Variants in ZNF385D observed in about 807,000 individuals in gnomAD.
ZNF385D encodes the protein zinc finger protein 659.
ZNF385D carries 15 observed loss-of-function variants against 35.8 expected under a neutral mutation model. The ratio of observed to expected loss-of-function variants is 0.42; its 90% confidence interval spans 0.28 to 0.64. ZNF385D has a LOEUF of 0.64. Among genes scored for constraint, ZNF385D ranks in the 30% least tolerant of loss-of-function variants. The pLI is 0.23. For missense variants in ZNF385D, 474 were observed against 494.6 expected (o/e 0.96, Z 0.39); for synonymous variants, 212 against 186.8 (o/e 1.13, Z -1.10).
intron 2 of ZNF385D, among the ~76,000 whole-genome samples, chr3:22,209,325 T>G (rs1317758434): frequency 6.6e-6 from 1 of 151,408 alleles, no homozygotes; most frequent in African/African-American, 2.4e-5. Context: ...TAAAATAAAC[T>G]TAATAGTGGA....
chr3:22,280,969 C>T (rs573671001), intron 2 of ZNF385D, among the ~76,000 whole-genome samples: 4 of 151,934 alleles, frequency 2.6e-5, no homozygotes, highest in South Asian at 2.1e-4. Flanking sequence ...TATATTCCTA[C>T]ATTTTTGTTT....
At chr3:22,146,142 G>A (rs1198224781) in intron 3 of ZNF385D, among the ~76,000 whole-genome samples, 1 of 151,998 alleles carries the variant, frequency 6.6e-6, no homozygotes, top group African/African-American at 2.4e-5. Flanking sequence ...TTCGAAGAAA[G>A]GATTAATTAG....
chr3:22,262,338 A>T (rs1473612498), intron 2 of ZNF385D, among the ~76,000 whole-genome samples: 1 of 152,018 alleles, frequency 6.6e-6, no homozygotes, highest in Non-Finnish European at 1.5e-5. Flanking sequence ...ACACACATGG[A>T]AGAATGGGTA....
intron 3 of ZNF385D, among the ~76,000 whole-genome samples, chr3:21,533,802 T>C (rs1412310377): frequency 6.6e-6 from 1 of 152,098 alleles, no homozygotes; most frequent in Non-Finnish European, 1.5e-5. Context: ...ATCCCTACTG[T>C]AAGGCAGAGT....
intron 3 of ZNF385D, among the ~76,000 whole-genome samples, chr3:21,529,318 C>G (rs1173096753): frequency 1.3e-5 from 2 of 152,012 alleles, no homozygotes; most frequent in African/African-American, 2.4e-5. Context: ...ATAAAAAGAC[C>G]CTGTGACTTC....
At chr3:22,224,890 T>C (rs1233880339) in intron 2 of ZNF385D, among the ~76,000 whole-genome samples, 3 of 152,172 alleles carry the variant, frequency 2.0e-5, no homozygotes, top group Non-Finnish European at 4.4e-5. Flanking sequence ...CTATAATCTT[T>C]GTCCATCAGC....
intron 4 of ZNF385D, among the ~76,000 whole-genome samples, chr3:21,444,391 T>TG (rs1185556810): frequency 4.3e-5 from 3 of 70,164 alleles, no homozygotes; most frequent in East Asian, 9.9e-4. Context: ...TTTTTTGTTT[T>TG]TTTTTTTTTT....
rs1700573246 is a variant in ZNF385D at position 21,417,099 on chromosome 3, A to G, written c.*4115T>C. ...CTGGTTGAGCATATGAATGACCTAC[A>G]ATATGGCTTACACTCAGGATGGAAA... On this transcript the variant is annotated 3_prime_UTR_variant, in exon 8 of 8. Transcript: ENST00000281523. 6.6e-6 allele frequency: 1 copy of G among 152,126 alleles called. No homozygotes were observed. The highest frequency in any genetic ancestry group is 2.4e-5 in the African/African-American group (1 of 41,420). The allele number at this position is 152,126 out of a possible 1,614,324, so 9.4% of individuals were successfully genotyped here.
At chr3:21,881,838 T>C (rs930236479) in intron 3 of ZNF385D, among the ~76,000 whole-genome samples, 2 of 152,006 alleles carry the variant, frequency 1.3e-5, no homozygotes, top group African/African-American at 2.4e-5. Flanking sequence ...AAAAAGTTGA[T>C]TCCAACCCTC....
chr3:21,754,159 C>T (rs1433604263), upstream of ZNF385D, among the ~76,000 whole-genome samples: 1 of 152,140 alleles, frequency 6.6e-6, no homozygotes, highest in African/African-American at 2.4e-5. Context: ...ATTTCTTCAA[C>T]ATATTATTTT....
At chr3:21,815,724 G>T (rs1027381136) in intron 3 of ZNF385D, among the ~76,000 whole-genome samples, 3 of 152,158 alleles carry the variant, frequency 2.0e-5, no homozygotes, top group Non-Finnish European at 4.4e-5. Context: ...GGACCAGACG[G>T]ATTCACAGCT....
chr3:21,415,453 C>T lies in ZNF385D; in HGVS notation c.*5761G>A, dbSNP rs1261554739. 6.6e-6 allele frequency: 1 copy of T among 152,016 alleles called. No homozygotes were observed. The highest frequency in any genetic ancestry group is 1.5e-5 in the Non-Finnish European group (1 of 67,976). The allele number at this position is 152,016 out of a possible 1,614,324, so 9.4% of individuals were successfully genotyped here. Reference sequence around the variant, plus strand: ...CAATGCCCTAAAATGATTAATGCCCCAAAATGATTAAGACTCCCAAGTGTG... The same window carrying T: ...CAATGCCCTAAAATGATTAATGCCCTAAAATGATTAAGACTCCCAAGTGTG... On this transcript the variant is annotated 3_prime_UTR_variant, in exon 8 of 8. Transcript: ENST00000281523.
chr3:22,276,711 T>A (rs1439749416), intron 2 of ZNF385D, among the ~76,000 whole-genome samples: 2 of 152,166 alleles, frequency 1.3e-5, no homozygotes, highest in Non-Finnish European at 2.9e-5. Flanking sequence ...AGTATTTGCA[T>A]CTCCATTTTA....
chr3:22,267,991 T>C (rs1056644908), intron 2 of ZNF385D, among the ~76,000 whole-genome samples: 16 of 152,002 alleles, frequency 1.1e-4, no homozygotes, highest in Admixed American at 7.9e-4. Flanking sequence ...TTCTAATAAC[T>C]GAAAGAAAGC....
intron 2 of ZNF385D, among the ~76,000 whole-genome samples, chr3:22,268,184 C>G (rs142223479): frequency 6.6e-6 from 1 of 152,004 alleles, no homozygotes; most frequent in African/African-American, 2.4e-5. Flanking sequence ...ATGACAACCC[C>G]AGCTGTCCAA....
chr3:21,842,496 C>G (rs975568689), intron 3 of ZNF385D, among the ~76,000 whole-genome samples: 8 of 152,110 alleles, frequency 5.3e-5, no homozygotes, highest in African/African-American at 1.9e-4. Context: ...AAGATGACTT[C>G]AAGCCCCATT....
chr3:21,927,193 C>T (rs1700770843), intron 3 of ZNF385D, among the ~76,000 whole-genome samples: 1 of 152,106 alleles, frequency 6.6e-6, no homozygotes, highest in Non-Finnish European at 1.5e-5. Context: ...TGGATAGAAG[C>T]TCCCTGAAGT....
At chr3:21,621,826 C>T (rs2065015397) in intron 2 of ZNF385D, among the ~76,000 whole-genome samples, 1 of 144,614 alleles carries the variant, frequency 6.9e-6, no homozygotes, top group African/African-American at 2.6e-5. Flanking sequence ...GTCTTCTGTT[C>T]TTGTATTAAT....
At chr3:22,065,089 C>T (rs547453226) in intron 3 of ZNF385D, among the ~76,000 whole-genome samples, 3 of 152,206 alleles carry the variant, frequency 2.0e-5, no homozygotes, top group African/African-American at 4.8e-5. Context: ...GTTAGCCTTT[C>T]CTGGCTTTGA....
Sources: gnomAD v4.1 joint callset for allele counts (sites outside exome capture counted in the v4.1 genomes callset) on GRCh38, gnomAD v4.1.1 for gene constraint, MANE v1.5 for transcripts, NCBI Gene and HGNC (gene_info 2026-07-23, HGNC 2026-07-21) for gene names.